MNS1: variants seen among roughly 807,000 people sequenced by gnomAD.
MNS1 encodes meiosis-specific nuclear structural protein 1.
In MNS1, 63 loss-of-function variants were observed where a neutral mutation model predicts 72.0. The ratio of observed to expected loss-of-function variants is 0.87; its 90% CI spans 0.71 to 1.08. MNS1 has a LOEUF of 1.08. Ranked by LOEUF, MNS1 falls within the 50% of genes least tolerant of loss-of-function variation. MNS1 has a pLI of 0.00. For missense variants in MNS1, 604 were observed against 562.4 expected, an observed-to-expected ratio of 1.07 and a Z score of -0.75; for synonymous variants, 188 against 172.1, an observed-to-expected ratio of 1.09 and a Z score of -0.72.
In MNS1 at chr15:56,456,619, G is replaced by A. The variant is rs2050983311; in HGVS notation, c.226-98C>T. ...ATAACAGAAAACTAAATGCCTTAAG[G>A]CCAACAATTGATGATGTTTTATTTT... On this transcript the variant is annotated intron_variant, in intron 2 of 9. Transcript: ENST00000260453. 3.5e-6 allele frequency: 4 copies of A among 1,147,962 alleles called. No individual in the cohort carries two copies. The Admixed American group carries it at 7.6e-5, about 22-fold the overall frequency. 71.1% of individuals were successfully genotyped at this position (1,147,962 alleles called of 1,614,324 possible). A position where few individuals can be genotyped will look rare whatever the true frequency, so the allele number is the denominator to read the frequency against.
intron 9 of MNS1, 100 bp from the exon 10 acceptor site, chr15:56,429,293 G>A (rs1422352720): frequency 9.6e-6 from 7 of 728,470 alleles, no homozygotes; most frequent in Non-Finnish European, 1.1e-5. Flanking sequence ...TTATCTCCAA[G>A]GTAATGAAAT....
At chr15:56,431,537 TTAATC>T (rs746946642) in intron 8 of MNS1, 39 bp from the exon 9 acceptor site, 1 of 1,608,828 alleles carries the variant, frequency 6.2e-7, no homozygotes, top group Non-Finnish European at 8.5e-7. Flanking sequence ...ACAAAGTACA[TTAATC>T]TTATACGAAG....
intron 2 of MNS1, among the ~76,000 whole-genome samples, chr15:56,458,715 T>C (rs1332672251): frequency 6.6e-6 from 1 of 152,208 alleles, no homozygotes; most frequent in Non-Finnish European, 1.5e-5. Flanking sequence ...AATGGAGCCT[T>C]TTTGGACTGG....
chr15:56,433,602 A>G (rs541946006), intron 8 of MNS1, among the ~76,000 whole-genome samples: 23 of 152,132 alleles, frequency 1.5e-4, no homozygotes, highest in African/African-American at 5.1e-4. Flanking sequence ...TGGGATTATT[A>G]TAATAACTTA....
At chr15:56,441,936 C>T (rs1289549023) in intron 7 of MNS1, among the ~76,000 whole-genome samples, 3 of 152,102 alleles carry the variant, frequency 2.0e-5, no homozygotes, top group East Asian at 1.9e-4. Flanking sequence ...AGGAGAATGG[C>T]GTGAACCCGG....
intron 8 of MNS1, among the ~76,000 whole-genome samples, chr15:56,432,518 G>C (rs2140322850): frequency 6.6e-6 from 1 of 152,230 alleles, no homozygotes; most frequent in South Asian, 2.1e-4. Context: ...CTTGGGGCCA[G>C]AACAAAAATG....
chr15:56,462,946 T>G (rs1596270240), intron 2 of MNS1, among the ~76,000 whole-genome samples: 1 of 152,086 alleles, frequency 6.6e-6, no homozygotes, highest in East Asian at 1.9e-4. Flanking sequence ...TAAGATGTGC[T>G]TTCTCAGAGT....
chr15:56,434,498 A>C, intron 7 of MNS1, 103 bp from the exon 8 acceptor site: 1 of 1,238,456 alleles, frequency 8.1e-7, no homozygotes, highest in South Asian at 1.6e-5. Flanking sequence ...ACAATATGAA[A>C]TCATACAAAC....
chr15:56,458,832 A>G (rs1385280269), intron 2 of MNS1, among the ~76,000 whole-genome samples: 1 of 152,112 alleles, frequency 6.6e-6, no homozygotes, highest in African/African-American at 2.4e-5. Context: ...TGGATGTATC[A>G]CAGTTTATCC....
chr15:56,444,249 A>G (rs1423864546), intron 5 of MNS1, among the ~76,000 whole-genome samples, 195 bp downstream of exon 5: 1 of 152,094 alleles, frequency 6.6e-6, no homozygotes, highest in Non-Finnish European at 1.5e-5. Flanking sequence ...TTTATTAATC[A>G]TCAGATAATT....
rs534298188 is a variant in MNS1 at position 56,443,691 on chromosome 15, G to A, written c.850C>T (p.Arg284Trp). 4.3e-6 allele frequency: 7 copies of A among 1,613,198 alleles called. No homozygotes were observed. The highest frequency in any genetic ancestry group is 2.7e-5 in the African/African-American group (2 of 74,950). Residue 284 changes from arginine (R) to tryptophan (W), a missense_variant, in exon 6 of 10, where the codon CGG becomes TGG. Arg to Trp is a moderately radical substitution (Grantham distance 101, BLOSUM62 -3). Transcript: ENST00000260453. The part of the protein sequence containing the change: ...ANMQQQREED[R>W]MAKVQENEEK... ...TCATTTTCTTGAACTTTTGCCATCC[G>A]ATCTTCTTCTCTTTGCTGCTGCATG...
At chr15:56,461,660 CAAAAAAAAAAAA>C (rs11294380) in intron 2 of MNS1, among the ~76,000 whole-genome samples, 1 of 57,098 alleles carries the variant, frequency 1.8e-5, no homozygotes, top group South Asian at 8.4e-4. Flanking sequence ...GACTCTGTCT[CAAAAAAAAAAAA>C]AAAAAAAAAA....
At chr15:56,464,818 C>T (rs545092973) in intron 1 of MNS1, 152 bp downstream of exon 1, 2 of 1,094,208 alleles carry the variant, frequency 1.8e-6, no homozygotes, top group South Asian at 3.1e-5. Flanking sequence ...AGCGTCCCTT[C>T]TAATAGCACC....
At chr15:56,460,434 G>A (rs1318521749) in intron 2 of MNS1, among the ~76,000 whole-genome samples, 1 of 152,120 alleles carries the variant, frequency 6.6e-6, no homozygotes, top group South Asian at 2.1e-4. Context: ...ACAACTAAAT[G>A]CAATCTATGG....
chr15:56,442,615 A>G (rs1596261031), intron 7 of MNS1, among the ~76,000 whole-genome samples: 1 of 152,346 alleles, frequency 6.6e-6, no homozygotes, highest in South Asian at 2.1e-4. Flanking sequence ...GGAGGCCATT[A>G]GCCTATGCTA....
Position 56,460,009 on chromosome 15 carries a change from A to AAAAAAAAAAATATATAT in MNS1, c.226-3489_226-3488insATATATATTTTTTTTTT. ...CTGTCTCAAAAAAAAAAAAAAAAAA[A>AAAAAAAAAAATATATAT]ATACATATATATATATATATATATA... On this transcript the variant is annotated intron_variant, in intron 2 of 9. Transcript: ENST00000260453. Among the ~76,000 whole-genome samples, 28 of 26,388 alleles carry AAAAAAAAAAATATATAT rather than the reference A, an allele frequency of 1.1e-3. 4 individuals carry two copies. Among genetic ancestry groups the AAAAAAAAAAATATATAT allele is most frequent in the East Asian group, 5.7e-3 (5 of 876 alleles). The allele number at this position is 26,388 out of a possible 152,430, so 17.3% of individuals were successfully genotyped here. A position where few individuals can be genotyped will look rare whatever the true frequency, so the allele number is the denominator to read the frequency against.
rs748519594 is a variant in MNS1, at chr15:56,443,667, C to T, written c.874G>A (p.Glu292Lys). Residue 292 changes from glutamate (E) to lysine (K), a missense_variant, in exon 6 of 10, where the codon GAG (glutamate) becomes AAG (lysine). By Grantham distance (56) the Glu-to-Lys change is moderately conservative. Transcript: ENST00000260453. ...TTCTGAAGCTGTAGCCTTTTCTCCT[C>T]ATTTTCTTGAACTTTTGCCATCCGA... ...EDRMAKVQEN[E>K]EKRLQLQNAL... The T allele has an allele frequency of 1.9e-6, 3 of 1,613,246 alleles. No individual in the cohort carries two copies. The highest frequency in any genetic ancestry group is 1.1e-5 in the South Asian group (1 of 90,858).
chr15:56,438,377 AAAAC>A (rs1196520868), intron 7 of MNS1, among the ~76,000 whole-genome samples: 3 of 152,176 alleles, frequency 2.0e-5, no homozygotes, highest in East Asian at 1.9e-4. Flanking sequence ...AAACCTGACA[AAAAC>A]AAGCAATAGG....
At chr15:56,429,279 A>AAAGTT in intron 9 of MNS1, 86 bp from the exon 10 acceptor site, 1 of 811,922 alleles carries the variant, frequency 1.2e-6, no homozygotes, top group Non-Finnish European at 2.0e-6. Flanking sequence ...TAAGATTAGT[A>AAAGTT]AAGTTATCTC....
Sources: gnomAD v4.1 joint callset for allele counts (sites outside exome capture counted in the v4.1 genomes callset) on GRCh38, gnomAD v4.1.1 for gene constraint, MANE v1.5 for transcripts, NCBI Gene and HGNC (gene_info 2026-07-23, HGNC 2026-07-21) for gene names.